Variants in NECAB1 observed in about 807,000 individuals in gnomAD.
The protein encoded by NECAB1 is N-terminal EF-hand calcium binding protein 1.
A neutral mutation model predicts 57.5 loss-of-function variants in NECAB1; 29 were observed. The observed-to-expected ratio is 0.50, with a 90% CI of 0.38 to 0.69. The LOEUF is 0.69. NECAB1 is among the 30% of genes least tolerant of loss of function. The probability of loss-of-function intolerance (pLI) is 0.00; values close to 1 mark genes in which losing one functional copy is unlikely to be tolerated. For missense variants in NECAB1, 372 were observed against 413.8 expected (o/e 0.90, Z 0.88); for synonymous variants, 142 against 147.7 (o/e 0.96, Z 0.28).
At chr8:90,823,402 T>C (rs1385642618) in intron 2 of NECAB1, among the ~76,000 whole-genome samples, 1 of 151,898 alleles carries the variant, frequency 6.6e-6, no homozygotes, top group Non-Finnish European at 1.5e-5. Flanking sequence ...TTTAAAATGT[T>C]GTAGTCTGTA....
At chr8:90,802,940 A>C (rs1811784999) in intron 2 of NECAB1, among the ~76,000 whole-genome samples, 1 of 152,106 alleles carries the variant, frequency 6.6e-6, no homozygotes, top group Admixed American at 6.5e-5. Context: ...TCTGTCACCC[A>C]GACTGGAGTG....
At chr8:90,943,352 A>G (rs1000699871) in intron 10 of NECAB1, among the ~76,000 whole-genome samples, 1 of 152,100 alleles carries the variant, frequency 6.6e-6, no homozygotes, top group African/African-American at 2.4e-5. Flanking sequence ...TTCACTTCTT[A>G]TTGCTGATTT....
At chr8:90,888,009 T>G (rs1407341224) in intron 5 of NECAB1, among the ~76,000 whole-genome samples, 1 of 152,164 alleles carries the variant, frequency 6.6e-6, no homozygotes, top group Non-Finnish European at 1.5e-5. Context: ...GTAATCATTT[T>G]TTTTCATGAT....
intron 3 of NECAB1, among the ~76,000 whole-genome samples, chr8:90,838,073 A>G (rs1468141143): frequency 6.6e-6 from 1 of 152,212 alleles, no homozygotes; most frequent in Non-Finnish European, 1.5e-5. Context: ...ACATATTCCA[A>G]TGAAAAAATA....
At chr8:90,862,786 A>G (rs1168842278) in intron 3 of NECAB1, among the ~76,000 whole-genome samples, 1 of 73,458 alleles carries the variant, frequency 1.4e-5, no homozygotes, top group East Asian at 1.3e-3. Flanking sequence ...TGAAAAGTCT[A>G]AAATGTTTTT....
In NECAB1 at chr8:90,900,920, G is replaced by T. The variant is rs1809485737; in HGVS notation, c.358-16572G>T. ...CCAGCAGTTTCTTGATGATTTTTCAGTAAGATAAAGGTACTTTAATCAGTC... is the reference window on the plus strand; with the variant it reads ...CCAGCAGTTTCTTGATGATTTTTCATTAAGATAAAGGTACTTTAATCAGTC... On this transcript the variant is annotated intron_variant, in intron 5 of 12. Transcript: ENST00000417640. 2.6e-5 allele frequency among the ~76,000 whole-genome samples: 4 copies of T among 152,138 alleles called. No homozygotes were observed. The South Asian group carries it at 6.2e-4, about 24-fold the overall frequency.
Position 90,881,036 on chromosome 8 carries a change from AT to A in NECAB1, c.268del (p.Ser90LeufsTer11). On this transcript the variant is annotated frameshift_variant, in exon 5 of 13. Coordinates refer to ENST00000417640, the MANE Select transcript of NECAB1 (RefSeq NM_022351.5). LOFTEE classifies it high-confidence loss of function. ...NNLDTEELCEYFSQHLGEYEN... is the reference protein window; with the variant it reads ...NNLDTEELCEXFSQHLGEYEN... Reference sequence around the variant, plus strand: ...TTTCAATATTTTCATTTTTCAGAATATTTTTCTCAGCACTTGGGCGAGTATG... The same window carrying A: ...TTTCAATATTTTCATTTTTCAGAATATTTTCTCAGCACTTGGGCGAGTATG... 6.3e-7 allele frequency: 1 copy of A among 1,587,116 alleles called. No individual in the cohort carries two copies. The highest frequency in any genetic ancestry group is 8.6e-7 in the Non-Finnish European group (1 of 1,166,556).
chr8:90,927,204 C>CTCTTTTTTTTTTTTTTTTTTTTTTTTTT (rs10630870), intron 7 of NECAB1, among the ~76,000 whole-genome samples: 1 of 131,132 alleles, frequency 7.6e-6, no homozygotes, highest in Non-Finnish European at 1.6e-5. Flanking sequence ...TTTTCTCTCT[C>CTCTTTTTTTTTTTTTTTTTTTTTTTTTT]TTTTTTTTTT....
At chr8:90,923,726 T>C (rs535779470) in intron 6 of NECAB1, among the ~76,000 whole-genome samples, 22 of 152,352 alleles carry the variant, frequency 1.4e-4, no homozygotes, top group African/African-American at 5.0e-4. Flanking sequence ...GAATTAAGGA[T>C]AGAATGCTTT....
In NECAB1 at chr8:90,958,941, A is replaced by AGTT; in HGVS notation, c.*3430_*3432dup. 1.1e-6 allele frequency: 1 copy of AGTT among 920,512 alleles called. No homozygotes were observed. Among genetic ancestry groups the AGTT allele is most frequent in the Non-Finnish European group, 1.6e-6 (1 of 616,072 alleles). The allele number at this position is 920,512 out of a possible 1,614,324, so 57.0% of individuals were successfully genotyped here. On this transcript the variant is annotated 3_prime_UTR_variant, in exon 13 of 13. Transcript: ENST00000417640. ...AAATTGAATTGTCACAGTCCATTAC[A>AGTT]GTTATTGTTGCTAGATCCACCTCAT... is the stretch of plus-strand genomic sequence containing the variant.
At chr8:90,875,474 C>A (rs1203829350) in intron 4 of NECAB1, among the ~76,000 whole-genome samples, 2 of 105,018 alleles carry the variant, frequency 1.9e-5, no homozygotes, top group Non-Finnish European at 1.7e-5. Context: ...GGCGACAGAG[C>A]GAGACTCCGT....
chr8:90,822,623 CATT>C (rs898913965), intron 2 of NECAB1, among the ~76,000 whole-genome samples: 6 of 151,740 alleles, frequency 4.0e-5, no homozygotes, highest in Admixed American at 2.0e-4. Flanking sequence ...ATAGAATGCA[CATT>C]ATTATTTGAA....
chr8:90,888,148 T>A (rs1809055563), intron 5 of NECAB1, among the ~76,000 whole-genome samples: 1 of 152,210 alleles, frequency 6.6e-6, no homozygotes, highest in Non-Finnish European at 1.5e-5. Context: ...TTTTCCTTTG[T>A]AGGGATTTTC....
At chr8:90,895,557 C>T (rs1012427268) in intron 5 of NECAB1, among the ~76,000 whole-genome samples, 12 of 152,198 alleles carry the variant, frequency 7.9e-5, no homozygotes, top group African/African-American at 2.9e-4. Flanking sequence ...AAAAATTAGC[C>T]TTTGCTCTCC....
intron 8 of NECAB1, 46 bp downstream of exon 8, chr8:90,928,345 T>C (rs768533423): frequency 2.1e-6 from 3 of 1,414,974 alleles, no homozygotes; most frequent in South Asian, 2.4e-5. Flanking sequence ...CTTCAAGATA[T>C]TGTTACCTAA....
intron 1 of NECAB1, among the ~76,000 whole-genome samples, chr8:90,798,319 C>G (rs140822362): frequency 6.6e-6 from 1 of 152,130 alleles, no homozygotes; most frequent in African/African-American, 2.4e-5. Flanking sequence ...ATTTTAGATT[C>G]AGGAGGAATA....
chr8:90,793,395 C>A (rs966280324), intron 1 of NECAB1, among the ~76,000 whole-genome samples: 1 of 152,138 alleles, frequency 6.6e-6, no homozygotes, highest in African/African-American at 2.4e-5. Context: ...TCCTTCCCAC[C>A]AAATCTCAGG....
At chr8:90,800,163 GA>G (rs555397933) in intron 1 of NECAB1, among the ~76,000 whole-genome samples, 323 of 152,270 alleles carry the variant, frequency 2.1e-3, no homozygotes, top group African/African-American at 7.6e-3. Flanking sequence ...TTTATATCCT[GA>G]AACTTTATTG....
rs1305019710 is a variant in NECAB1, at chr8:90,824,794, C to A, written c.202C>A (p.Leu68Ile). The change falls in exon 3 of 13, where the codon CTT becomes ATT. Residue 68 changes from leucine to isoleucine, a missense_variant. Coordinates refer to ENST00000417640, the MANE Select transcript of NECAB1 (RefSeq NM_022351.5). ...GVLSGEELHE[L>I]FHTIDTHNTN... ...TCTCAGTGGAGAAGAATTACACGAG[C>A]TTTTCCATACCATTGATACACATAA... is the stretch of plus-strand genomic sequence containing the variant. The A allele has an allele frequency of 1.3e-6, 2 of 1,548,764 alleles. No homozygotes were observed. Among genetic ancestry groups the A allele is most frequent in the South Asian group, 1.2e-5 (1 of 82,660 alleles).
Sources: gnomAD v4.1 joint callset for allele counts (sites outside exome capture counted in the v4.1 genomes callset) on GRCh38, gnomAD v4.1.1 for gene constraint, MANE v1.5 for transcripts, NCBI Gene and HGNC (gene_info 2026-07-23, HGNC 2026-07-21) for gene names.